DNAH11: variants seen among roughly 807,000 people sequenced by gnomAD.
DNAH11 encodes the protein axonemal beta dynein heavy chain 11.
DNAH11 carries 442 observed loss-of-function variants against 526.0 expected under a neutral mutation model. That is an observed-to-expected ratio of 0.84 (90% CI 0.78 to 0.91). The LOEUF is 0.91. Ranked by LOEUF, DNAH11 falls within the 40% of genes least tolerant of loss-of-function variation. The pLI is 0.00. For synonymous variants in DNAH11, 2,461 were observed against 1,935.9 expected, an observed-to-expected ratio of 1.27 and a Z score of -7.12; for missense variants, 6,989 against 5,448.7, an observed-to-expected ratio of 1.28 and a Z score of -8.90.
intron 39 of DNAH11, 125 bp from the exon 40 acceptor site, chr7:21,707,574 G>A (rs889550065): frequency 3.3e-6 from 4 of 1,206,720 alleles, no homozygotes; most frequent in African/African-American, 1.5e-5. Flanking sequence ...TCCCCTTCTC[G>A]ATCTTAGCAC....
intron 39 of DNAH11, among the ~76,000 whole-genome samples, chr7:21,707,051 T>C (rs746545126): frequency 1.8e-4 from 27 of 152,186 alleles, no homozygotes; most frequent in Non-Finnish European, 3.5e-4. Context: ...ATCCTGCTCA[T>C]TGAAAGATAT....
intron 20 of DNAH11, among the ~76,000 whole-genome samples, chr7:21,610,594 G>A (rs1785481849): frequency 6.6e-6 from 1 of 151,820 alleles, no homozygotes; most frequent in East Asian, 1.9e-4. Flanking sequence ...ATATTAGAAG[G>A]AAATAAAAGA....
At chr7:21,887,952 G>GTGCTGA (rs1355895526) in intron 76 of DNAH11, among the ~76,000 whole-genome samples, 1 of 152,146 alleles carries the variant, frequency 6.6e-6, no homozygotes, top group Non-Finnish European at 1.5e-5. Flanking sequence ...CCTGGCTGGA[G>GTGCTGA]TGCTGAGCTG....
At chr7:21,889,121 A>AT (rs1203054444) in intron 76 of DNAH11, among the ~76,000 whole-genome samples, 2 of 151,938 alleles carry the variant, frequency 1.3e-5, no homozygotes, top group African/African-American at 4.8e-5. Context: ...GTCTCTATAG[A>AT]TTTGCATGTT....
intron 18 of DNAH11, among the ~76,000 whole-genome samples, chr7:21,604,710 G>T (rs1392183426): frequency 2.6e-5 from 4 of 152,122 alleles, no homozygotes; most frequent in Non-Finnish European, 5.9e-5. Context: ...AACTTGTTTG[G>T]AATCCCCAAA....
Position 21,866,629 on chromosome 7 carries a change from G to C in DNAH11, c.11656G>C (p.Ala3886Pro). 1 of 1,613,742 alleles carries C rather than the reference G, an allele frequency of 6.2e-7. No individual in the cohort carries two copies. Among genetic ancestry groups the C allele is most frequent in the African/African-American group, 1.3e-5 (1 of 75,040 alleles). ...AATACAGAAGCTGATTCTTCTGAGAGCAATGCGCCCTGACAGAATGACGTA... is the reference window on the plus strand; with the variant it reads ...AATACAGAAGCTGATTCTTCTGAGACCAATGCGCCCTGACAGAATGACGTA... ...SLIQKLILLR[A>P]MRPDRMTYAL... is the part of the protein sequence containing the mutation. The change falls in exon 71 of 82, where the codon GCA becomes CCA. Residue 3886 changes from alanine to proline, a missense_variant. Transcript: ENST00000409508.
chr7:21,705,013 C>G (rs572406356), intron 38 of DNAH11, among the ~76,000 whole-genome samples: 1 of 152,310 alleles, frequency 6.6e-6, no homozygotes, highest in East Asian at 1.9e-4. Context: ...ATGAGAATAA[C>G]TTAAGTAGAT....
intron 55 of DNAH11, among the ~76,000 whole-genome samples, chr7:21,771,424 A>G (rs185653714): frequency 3.7e-3 from 563 of 152,328 alleles, no homozygotes; most frequent in African/African-American, 0.013. Flanking sequence ...TTGGTGTGGC[A>G]GAGACTACTC....
intron 25 of DNAH11, among the ~76,000 whole-genome samples, chr7:21,632,248 C>T (rs1408717500): frequency 2.0e-5 from 3 of 152,196 alleles, no homozygotes; most frequent in Non-Finnish European, 1.5e-5. Context: ...CCTCTGAGGC[C>T]TCCAGGACTG....
intron 30 of DNAH11, among the ~76,000 whole-genome samples, chr7:21,677,471 T>A (rs1378798770): frequency 6.6e-6 from 1 of 152,196 alleles, no homozygotes; most frequent in Non-Finnish European, 1.5e-5. Flanking sequence ...AGCCTATACA[T>A]CTCAGAGTCA....
At chr7:21,724,377 C>T (rs545362131) in intron 44 of DNAH11, among the ~76,000 whole-genome samples, 4 of 152,300 alleles carry the variant, frequency 2.6e-5, no homozygotes, top group Non-Finnish European at 2.9e-5. Context: ...CTGCAAACAC[C>T]GATCACCTCC....
At chr7:21,819,010 C>G (rs547391250) in intron 65 of DNAH11, among the ~76,000 whole-genome samples, 9 of 152,210 alleles carry the variant, frequency 5.9e-5, no homozygotes, top group Non-Finnish European at 8.8e-5. Flanking sequence ...CATCATGTCA[C>G]TTTCCTATGA....
intron 76 of DNAH11, among the ~76,000 whole-genome samples, chr7:21,886,260 A>T: frequency 6.6e-6 from 1 of 152,310 alleles, no homozygotes; most frequent in Middle Eastern, 3.4e-3. Flanking sequence ...AGTGTATATT[A>T]GATTAAATCA....
chr7:21,862,678 T>C (rs1338278936), intron 69 of DNAH11, among the ~76,000 whole-genome samples: 1 of 152,172 alleles, frequency 6.6e-6, no homozygotes, highest in Non-Finnish European at 1.5e-5. Flanking sequence ...ATGACAGCAG[T>C]GACTAGGTAA....
At chr7:21,640,142 T>G (rs1787056749) in intron 28 of DNAH11, among the ~76,000 whole-genome samples, 1 of 152,224 alleles carries the variant, frequency 6.6e-6, no homozygotes, top group African/African-American at 2.4e-5. Context: ...TCAGGTAGTA[T>G]TGTTTTGTAT....
At chr7:21,855,875 T>A (rs191324164) in intron 68 of DNAH11, among the ~76,000 whole-genome samples, 1 of 152,294 alleles carries the variant, frequency 6.6e-6, no homozygotes, top group East Asian at 1.9e-4. Flanking sequence ...ATCATACATT[T>A]GTTTATAAAA....
At chr7:21,639,826 A>C (rs1466274832) in intron 28 of DNAH11, among the ~76,000 whole-genome samples, 2 of 152,148 alleles carry the variant, frequency 1.3e-5, no homozygotes, top group Non-Finnish European at 2.9e-5. Context: ...AGATTATTTT[A>C]AAACTGAAGC....
chr7:21,895,914 A>G (rs1012054750), intron 79 of DNAH11, among the ~76,000 whole-genome samples: 9 of 152,158 alleles, frequency 5.9e-5, no homozygotes, highest in African/African-American at 1.7e-4. Context: ...TATATTTAGT[A>G]GAGACGGGGT....
chr7:21,832,637 G>C (rs192176336), intron 65 of DNAH11, among the ~76,000 whole-genome samples: 24 of 152,260 alleles, frequency 1.6e-4, no homozygotes, highest in African/African-American at 5.5e-4. Flanking sequence ...CTAGAGGAAG[G>C]AGCATCGTTA....
Sources: gnomAD v4.1 joint callset for allele counts (sites outside exome capture counted in the v4.1 genomes callset) on GRCh38, gnomAD v4.1.1 for gene constraint, MANE v1.5 for transcripts, NCBI Gene and HGNC (gene_info 2026-07-23, HGNC 2026-07-21) for gene names.